CLASP1: variants seen among roughly 807,000 people sequenced by gnomAD.
The protein encoded by CLASP1 is cytoplasmic linker associated protein 1, also known as CLIP-associating protein 1.
Under a neutral mutation model 192.3 loss-of-function variants are expected in CLASP1, and 38 were observed. The ratio of observed to expected loss-of-function variants is 0.20; its 90% CI spans 0.15 to 0.26. CLASP1 has a LOEUF of 0.26. Among genes scored for constraint, CLASP1 ranks in the 10% least tolerant of loss-of-function variants. CLASP1 has a pLI of 1.00. For missense variants in CLASP1, 1,433 were observed against 1,932.5 expected, an observed-to-expected ratio of 0.74 and a Z score of 4.85; for synonymous variants, 691 against 712.8, an observed-to-expected ratio of 0.97 and a Z score of 0.49.
chr2:121,595,319 A>G (rs1417645747), intron 2 of CLASP1, among the ~76,000 whole-genome samples: 2 of 152,222 alleles, frequency 1.3e-5, no homozygotes, highest in African/African-American at 2.4e-5. Context: ...CATCTATGTT[A>G]TAATTACACC....
chr2:121,505,928 C>A (rs1262650574), intron 7 of CLASP1, among the ~76,000 whole-genome samples: 1 of 152,034 alleles, frequency 6.6e-6, no homozygotes, highest in East Asian at 1.9e-4. Context: ...CAATAAGCTG[C>A]ATCCATATAC....
At chr2:121,575,076 G>A (rs1202966777) in intron 2 of CLASP1, among the ~76,000 whole-genome samples, 1 of 151,680 alleles carries the variant, frequency 6.6e-6, no homozygotes, top group Non-Finnish European at 1.5e-5. Context: ...GCATCATGTT[G>A]TACATAATAT....
At chr2:121,531,047 A>G (rs1420670008) in intron 2 of CLASP1, 7 of 698,122 alleles carry the variant, frequency 1.0e-5, no homozygotes, top group East Asian at 8.1e-5. Flanking sequence ...TTCAAACAGC[A>G]GTAATTCGTA....
At chr2:121,348,966 C>T (rs553206158) in intron 37 of CLASP1, among the ~76,000 whole-genome samples, 7 of 152,030 alleles carry the variant, frequency 4.6e-5, no homozygotes, top group Admixed American at 3.3e-4. Flanking sequence ...CTCGGCCGGG[C>T]GCGGTGGCTC....
Position 121,472,944 on chromosome 2 carries a change from C to T in CLASP1, c.713-2984G>A, listed in dbSNP as rs560243650. Among the ~76,000 whole-genome samples, 9 of 152,250 alleles carry T rather than the reference C, an allele frequency of 5.9e-5. No homozygotes were observed. The South Asian group carries it at 1.9e-3, about 32-fold the overall frequency. On this transcript the variant is annotated intron_variant, in intron 8 of 39. Coordinates refer to ENST00000263710, the Ensembl canonical transcript of CLASP1. Reference sequence around the variant, plus strand: ...GGCCTACAGGGCATTAGGCAGACCGCAAGTAACTTATCTGATTTGCCAAAA... The same window carrying T: ...GGCCTACAGGGCATTAGGCAGACCGTAAGTAACTTATCTGATTTGCCAAAA...
chr2:121,593,228 G>A (rs899565421), intron 2 of CLASP1, among the ~76,000 whole-genome samples: 4 of 152,108 alleles, frequency 2.6e-5, no homozygotes, highest in Non-Finnish European at 5.9e-5. Context: ...ATCAAACAAC[G>A]TCAAATTGAC....
At chr2:121,343,700 AG>A (rs2063076208) in intron 39 of CLASP1, among the ~76,000 whole-genome samples, 1 of 152,204 alleles carries the variant, frequency 6.6e-6, no homozygotes, top group Non-Finnish European at 1.5e-5. Context: ...ATGGGTGCAA[AG>A]GTTCAGTTTT....
chr2:121,390,969 C>T (rs896790914), intron 30 of CLASP1, among the ~76,000 whole-genome samples: 1 of 152,076 alleles, frequency 6.6e-6, no homozygotes, highest in Admixed American at 6.5e-5. Flanking sequence ...CAGGCGTGTG[C>T]CACTGTGTCG....
At chr2:121,403,586 A>T (rs2076452250) in intron 26 of CLASP1, 14 of 442,326 alleles carry the variant, frequency 3.2e-5, no homozygotes, top group South Asian at 2.1e-4. Flanking sequence ...TTAAGGTTCT[A>T]TCCATTTCCA....
At chr2:121,448,800 GGTGGTA>G (rs1209120340) in intron 17 of CLASP1, among the ~76,000 whole-genome samples, 147 bp downstream of exon 17, 1 of 152,318 alleles carries the variant, frequency 6.6e-6, no homozygotes, top group East Asian at 1.9e-4. Context: ...ACCACTCCAT[GGTGGTA>G]TCTTACTTTG....
At position 121,527,350 on chromosome 2, in the gene CLASP1, T is replaced by C. The variant is rs956656524; in HGVS notation, c.470+449A>G. Among the ~76,000 whole-genome samples the C allele has an allele frequency of 2.0e-5, 3 of 152,316 alleles. No homozygotes were observed. The East Asian group carries it at 5.8e-4, about 29-fold the overall frequency. ...GTCAGGTGCAAACTCAAGGGCATTA[T>C]GCTGAGTGAAAAAAAGATAAACTCA... is the stretch of plus-strand genomic sequence containing the variant. On this transcript the variant is annotated intron_variant, in intron 5 of 39. Coordinates refer to ENST00000263710, the Ensembl canonical transcript of CLASP1.
At chr2:121,408,664 T>C (rs894968813) in intron 24 of CLASP1, among the ~76,000 whole-genome samples, 1 of 152,146 alleles carries the variant, frequency 6.6e-6, no homozygotes, top group African/African-American at 2.4e-5. Context: ...GTTTGGATAA[T>C]AAATTACATG....
At chr2:121,403,581 G>A (rs952967064) in intron 26 of CLASP1, 13 of 444,442 alleles carry the variant, frequency 2.9e-5, no homozygotes, top group Non-Finnish European at 3.2e-5. Flanking sequence ...CTCATTTAAG[G>A]TTCTATCCAT....
intron 1 of CLASP1, among the ~76,000 whole-genome samples, chr2:121,630,594 T>G (rs548898556): frequency 1.7e-4 from 26 of 152,314 alleles, no homozygotes; most frequent in Non-Finnish European, 3.1e-4. Flanking sequence ...CCGGGCATGG[T>G]GGCTCACGCC....
chr2:121,531,300 T>G (rs2094862287), intron 2 of CLASP1, among the ~76,000 whole-genome samples: 1 of 152,096 alleles, frequency 6.6e-6, no homozygotes, highest in Non-Finnish European at 1.5e-5. Flanking sequence ...GCACCTCACA[T>G]AAAATGTAAT....
intron 20 of CLASP1, among the ~76,000 whole-genome samples, chr2:121,429,443 A>G (rs1266704992): frequency 6.6e-6 from 1 of 152,208 alleles, no homozygotes. Context: ...CTTAAAGTTT[A>G]TGTGTGGCTG....
chr2:121,499,623 G>T (rs2093664039), intron 8 of CLASP1, among the ~76,000 whole-genome samples: 1 of 151,756 alleles, frequency 6.6e-6, no homozygotes, highest in African/African-American at 2.4e-5. Context: ...GAAGGAGAAT[G>T]TATCTCAATT....
chr2:121,350,065 A>G (rs1257811752), intron 37 of CLASP1, among the ~76,000 whole-genome samples: 1 of 152,234 alleles, frequency 6.6e-6, no homozygotes, highest in Non-Finnish European at 1.5e-5. Flanking sequence ...AAAGACAGGC[A>G]CCAGGCTATA....
intron 10 of CLASP1, among the ~76,000 whole-genome samples, chr2:121,461,600 AC>A (rs1436875638): frequency 6.6e-6 from 1 of 152,178 alleles, no homozygotes; most frequent in Non-Finnish European, 1.5e-5. Flanking sequence ...TACCTAGAAA[AC>A]AGGTAAGGTA....
Sources: gnomAD v4.1 joint callset for allele counts (sites outside exome capture counted in the v4.1 genomes callset) on GRCh38, gnomAD v4.1.1 for gene constraint, MANE v1.5 for transcripts, NCBI Gene and HGNC (gene_info 2026-07-23, HGNC 2026-07-21) for gene names.